Variants in AGBL4 observed in about 807,000 individuals in gnomAD.
AGBL4 encodes cytosolic carboxypeptidase 6.
Under a neutral mutation model 66.4 loss-of-function variants are expected in AGBL4, and 58 were observed. The ratio of observed to expected loss-of-function variants is 0.87; its 90% CI spans 0.71 to 1.09. The LOEUF is 1.09. AGBL4 is among the 50% of genes least tolerant of loss of function. The pLI, the probability that AGBL4 is intolerant of heterozygous loss-of-function variation, is 0.00. For missense variants in AGBL4, 579 were observed against 631.0 expected, an observed-to-expected ratio of 0.92 and a Z score of 0.88; for synonymous variants, 234 against 222.9, an observed-to-expected ratio of 1.05 and a Z score of -0.44.
chr1:49,643,658 T>C (rs1325800968), intron 3 of AGBL4, among the ~76,000 whole-genome samples: 2 of 151,684 alleles, frequency 1.3e-5, no homozygotes, highest in African/African-American at 4.8e-5. Flanking sequence ...CAATGCAAGC[T>C]GAAACCAAGT....
chr1:48,634,759 C>T (rs928611689), intron 8 of AGBL4, among the ~76,000 whole-genome samples, 155 bp from the exon 9 acceptor site: 2 of 152,204 alleles, frequency 1.3e-5, no homozygotes, highest in South Asian at 4.1e-4. Flanking sequence ...TGAGTTAATT[C>T]TTTCAGTGTC....
At chr1:49,597,038 T>C (rs1644865460) in intron 3 of AGBL4, among the ~76,000 whole-genome samples, 1 of 152,212 alleles carries the variant, frequency 6.6e-6, no homozygotes, top group African/African-American at 2.4e-5. Context: ...TAGCCTAGAC[T>C]GAAGTCATTA....
chr1:48,604,936 A>C (rs896132490), intron 9 of AGBL4, among the ~76,000 whole-genome samples: 4 of 152,218 alleles, frequency 2.6e-5, no homozygotes, highest in Non-Finnish European at 5.9e-5. Flanking sequence ...ACCTTCATCA[A>C]AATTAGACAG....
At chr1:49,258,080 C>T (rs1394273525) in intron 3 of AGBL4, among the ~76,000 whole-genome samples, 1 of 152,204 alleles carries the variant, frequency 6.6e-6, no homozygotes, top group African/African-American at 2.4e-5. Flanking sequence ...TAGCAACAGA[C>T]CTGCAGCTGA....
chr1:48,579,040 G>C (rs1644696365), intron 11 of AGBL4, among the ~76,000 whole-genome samples: 1 of 152,030 alleles, frequency 6.6e-6, no homozygotes, highest in East Asian at 1.9e-4. Flanking sequence ...GCCCAGGCCT[G>C]TCTCCAGAAC....
chr1:49,999,527 T>C (rs1161333983), intron 1 of AGBL4, among the ~76,000 whole-genome samples: 1 of 151,990 alleles, frequency 6.6e-6, no homozygotes, highest in Non-Finnish European at 1.5e-5. Context: ...ACAAATTCAA[T>C]GCAATTCATA....
intron 6 of AGBL4, among the ~76,000 whole-genome samples, chr1:48,789,235 C>G (rs1645479029): frequency 6.6e-6 from 1 of 151,976 alleles, no homozygotes; most frequent in Non-Finnish European, 1.5e-5. Context: ...CCATCACCAA[C>G]TCCACATAGA....
In AGBL4 at chr1:48,533,875, G is replaced by A; in HGVS notation, c.*298C>T. 2.4e-6 allele frequency: 1 copy of A among 411,060 alleles called. No individual in the cohort carries two copies. The highest frequency in any genetic ancestry group is 4.5e-6 in the Non-Finnish European group (1 of 220,854). 25.5% of individuals were successfully genotyped at this position (411,060 alleles called of 1,614,324 possible). A position where few individuals can be genotyped will look rare whatever the true frequency, so the allele number is the denominator to read the frequency against. On this transcript the variant is annotated 3_prime_UTR_variant, in exon 14 of 14. Coordinates refer to ENST00000371839, the MANE Select transcript of AGBL4 (RefSeq NM_032785.4). ...CTGATATGTGTCAAATCTCTTAAAA[G>A]GGATGTGTAGGTTTTCCTCATCTTG...
chr1:48,797,459 A>G (rs989615685), intron 6 of AGBL4, among the ~76,000 whole-genome samples: 2 of 152,190 alleles, frequency 1.3e-5, no homozygotes, highest in African/African-American at 4.8e-5. Flanking sequence ...CTTATAAGTG[A>G]GAACATACAA....
At chr1:48,790,417 G>A (rs983530084) in intron 6 of AGBL4, among the ~76,000 whole-genome samples, 2 of 152,132 alleles carry the variant, frequency 1.3e-5, no homozygotes, top group African/African-American at 4.8e-5. Context: ...CATCCTGAAG[G>A]TTCTTTTTTC....
At chr1:48,992,386 A>G (rs955140460) in intron 5 of AGBL4, among the ~76,000 whole-genome samples, 4 of 151,938 alleles carry the variant, frequency 2.6e-5, no homozygotes, top group Non-Finnish European at 4.4e-5. Flanking sequence ...CCTGGAGCAA[A>G]TATCCCTGTG....
chr1:49,553,582 G>C (rs1026945375), intron 3 of AGBL4, among the ~76,000 whole-genome samples: 3 of 152,020 alleles, frequency 2.0e-5, no homozygotes, highest in Non-Finnish European at 4.4e-5. Context: ...CTGATAGTTG[G>C]AGTAGATAAG....
In AGBL4 at chr1:49,395,787, ATG is replaced by A. The variant is rs1343533419; in HGVS notation, c.283-149925_283-149924del. Among the ~76,000 whole-genome samples the A allele has an allele frequency of 3.4e-3, 466 of 138,336 alleles. 3 individuals carry two copies. The highest frequency in any genetic ancestry group is 0.012 in the African/African-American group (427 of 36,558). 90.8% of individuals were successfully genotyped at this position (138,336 alleles called of 152,430 possible). The stretch of plus-strand genomic sequence containing the variant: ...TACACATATATATACATGTGTATAT[ATG>A]TATATATATACATATATATATGTAT... On this transcript the variant is annotated intron_variant, in intron 3 of 13. Transcript: ENST00000371839.
In AGBL4 at chr1:48,761,514, T is replaced by C. The variant is rs1644253550; in HGVS notation, c.635-98273A>G. On this transcript the variant is annotated intron_variant, in intron 6 of 13. Transcript: ENST00000371839. ...GAACAAGGTTCATCATGAGTTAAAA[T>C]GAGTCATTATGAGTTTAGAATGCCC... 2.6e-6 allele frequency: 4 copies of C among 1,525,446 alleles called. No individual in the cohort carries two copies. The Middle Eastern group carries it at 5.9e-4, about 224-fold the overall frequency. The allele number at this position is 1,525,446 out of a possible 1,614,324, so 94.5% of individuals were successfully genotyped here.
intron 3 of AGBL4, among the ~76,000 whole-genome samples, chr1:49,384,584 C>T (rs1212119574): frequency 6.6e-6 from 1 of 151,892 alleles, no homozygotes; most frequent in Admixed American, 6.6e-5. Context: ...CAGAGTGAGA[C>T]TCCATCTAAA....
intron 3 of AGBL4, among the ~76,000 whole-genome samples, chr1:49,507,857 C>T (rs1258600851): frequency 6.6e-6 from 1 of 151,490 alleles, no homozygotes; most frequent in African/African-American, 2.4e-5. Context: ...TCAGAGTGGT[C>T]CTACCACTCT....
At chr1:49,840,102 G>GT (rs971547550) in intron 2 of AGBL4, among the ~76,000 whole-genome samples, 74 of 151,118 alleles carry the variant, frequency 4.9e-4, no homozygotes, top group Admixed American at 9.2e-4. Flanking sequence ...CTGGTCCAGG[G>GT]TTTTTTTTTG....
chr1:49,897,570 A>G (rs1475303597), intron 1 of AGBL4, among the ~76,000 whole-genome samples: 2 of 152,026 alleles, frequency 1.3e-5, no homozygotes, highest in South Asian at 2.1e-4. Flanking sequence ...CTGTCAAAAT[A>G]TAATGACATT....
chr1:49,245,262 AC>A (rs1651548161), intron 4 of AGBL4, among the ~76,000 whole-genome samples: 2 of 32,664 alleles, frequency 6.1e-5, no homozygotes, highest in African/African-American at 1.7e-4. Flanking sequence ...TAAAATACAC[AC>A]ACACACACAC....
Sources: allele counts gnomAD v4.1 joint callset (sites outside exome capture counted in the v4.1 genomes callset), GRCh38; gene constraint gnomAD v4.1.1; transcripts MANE v1.5; gene names NCBI Gene and HGNC (gene_info 2026-07-23, HGNC 2026-07-21).